The following C8G variants were observed in gnomAD, a reference collection of about 807,000 sequenced individuals.
C8G encodes complement C8 gamma chain.
A neutral mutation model predicts 29.1 loss-of-function variants in C8G; 38 were observed. That is an observed-to-expected ratio of 1.31 (90% CI 1.01 to 1.71). The LOEUF (loss-of-function observed/expected upper bound fraction) is 1.71. C8G is among the 40% of genes most tolerant of loss of function. The probability of loss-of-function intolerance (pLI) is 0.00; values close to 1 mark genes in which losing one functional copy is unlikely to be tolerated. For synonymous variants in C8G, 158 were observed against 113.2 expected (o/e 1.40, Z -2.51); for missense variants, 300 against 267.4 (o/e 1.12, Z -0.85).
Position 136,945,958 on chromosome 9 carries a change from T to A in C8G, c.305T>A (p.Leu102His). The change falls in exon 3 of 7, where the codon CTC (leucine) becomes CAC (histidine). Residue 102 changes from leucine to histidine, a missense_variant. By Grantham distance (99) the Leu-to-His change is moderately conservative. Transcript: ENST00000371634. ...LDGICWQVRQ[L>H]YGDTGVLGRF... ...GGGATCTGCTGGCAGGTGCGCCAGC[T>A]CTATGGAGACACAGGGGTCCTCGGC... 6.4e-7 allele frequency: 1 copy of A among 1,570,332 alleles called. No homozygotes were observed. The highest frequency in any genetic ancestry group is 1.2e-5 in the South Asian group (1 of 86,276).
At chr9:136,945,562 G>A (rs368024723) in intron 1 of C8G, 72 bp from the exon 2 acceptor site, 21 of 1,565,544 alleles carry the variant, frequency 1.3e-5, no homozygotes, top group Non-Finnish European at 1.8e-5. Flanking sequence ...GTGAAGTTGT[G>A]GGGGGTGTAG....
Position 136,946,814 on chromosome 9 carries a change from G to C in C8G, c.*33G>C, listed in dbSNP as rs1263584107. 6.4e-7 allele frequency: 1 copy of C among 1,553,164 alleles called. No individual in the cohort carries two copies. The highest frequency in any genetic ancestry group is 8.7e-7 in the Non-Finnish European group (1 of 1,154,574). On this transcript the variant is annotated 3_prime_UTR_variant, in exon 7 of 7. Coordinates refer to ENST00000371634, the MANE Select transcript of C8G (RefSeq NM_000606.3). ...ACACAGCTCCAGTGCTGAGAAGTCA[G>C]TGCCCCGAGAGACGACCCCACCAGT...
In C8G at chr9:136,946,091, A is replaced by G. The variant is rs7850844; in HGVS notation, c.353A>G (p.Asp118Gly). The part of the protein sequence containing the change: ...VLGRFLLQAR[D>G]ARGAVHVVVA... ...TACTGTGGCTCTGCCCCAGCCCGAG[A>G]CGCCCGAGGGGCTGTGCACGTGGTT... Residue 118 changes from aspartate (D) to glycine (G), a missense_variant, in exon 4 of 7, where the codon GAC becomes GGC. Physicochemically the swap from Asp to Gly is moderately conservative, Grantham distance 94. Transcript: ENST00000371634. 0.96 allele frequency: 1,531,682 copies of G among 1,603,374 alleles called. 731,784 individuals carry two copies. The highest frequency in any genetic ancestry group is 1 in the East Asian group (44,643 of 44,650).
At chr9:136,946,419 C>T (rs1490866845) in intron 4 of C8G, 46 bp from the exon 5 acceptor site, 2 of 1,530,552 alleles carry the variant, frequency 1.3e-6, no homozygotes, top group Non-Finnish European at 1.8e-6. Context: ...CAGAGCCCTC[C>T]ACGCCGCCTG....
Position 136,946,014 on chromosome 9 carries a change from G to A in C8G, c.346+15G>A, listed in dbSNP as rs769813748. 6.3e-7 allele frequency: 1 copy of A among 1,591,890 alleles called. No individual in the cohort carries two copies. The highest frequency in any genetic ancestry group is 8.6e-7 in the Non-Finnish European group (1 of 1,169,154). On this transcript the variant is annotated intron_variant, in intron 3 of 6. Transcript: ENST00000371634. ...CCTGCTTCAAGGTGAGGCAGGGGCT[G>A]CAGGGCATGTGGGTGGGGGATGACG...
At position 136,946,782 on chromosome 9, in the gene C8G, G is replaced by C; in HGVS notation, c.*1G>C. 1 of 1,587,744 alleles carries C rather than the reference G, an allele frequency of 6.3e-7. No individual in the cohort carries two copies. Among genetic ancestry groups the C allele is most frequent in the South Asian group, 1.1e-5 (1 of 88,796 alleles). ...CTCTGCTGCAGAAGTGAGGAGGTGA[G>C]GCCGGCACACAGCTCCAGTGCTGAG... On this transcript the variant is annotated 3_prime_UTR_variant, in exon 7 of 7. Transcript: ENST00000371634.
intron 3 of C8G, 41 bp from the exon 4 acceptor site, chr9:136,946,044 C>CACTGTGGCTCTCTGACATGGCT: frequency 1.2e-6 from 2 of 1,602,002 alleles, no homozygotes; most frequent in Non-Finnish European, 1.7e-6. Flanking sequence ...ATGACGCAGC[C>CACTGTGGCTCTCTGACATGGCT]ACTGTGGCTC....
In C8G at chr9:136,946,839, T is replaced by G; in HGVS notation, c.*58T>G. The G allele has an allele frequency of 6.5e-7, 1 of 1,535,264 alleles. No individual in the cohort carries two copies. Among genetic ancestry groups the G allele is most frequent in the East Asian group, 2.4e-5 (1 of 40,954 alleles). On this transcript the variant is annotated 3_prime_UTR_variant, in exon 7 of 7. Transcript: ENST00000371634. Reference sequence around the variant, plus strand: ...GTGCCCCGAGAGACGACCCCACCAGTGGGGTGCCCGCTGCCTGTCCTCCGT... The same window carrying G: ...GTGCCCCGAGAGACGACCCCACCAGGGGGGTGCCCGCTGCCTGTCCTCCGT...
chr9:136,946,195 A>G lies in C8G; in HGVS notation c.454+3A>G. 6.4e-7 allele frequency: 1 copy of G among 1,553,800 alleles called. No individual in the cohort carries two copies. Among genetic ancestry groups the G allele is most frequent in the Non-Finnish European group, 8.7e-7 (1 of 1,149,536 alleles). ...GCAGCTGTCAGTGAAGCTCTACGGT[A>G]TGTGGGGGCCAGCCTCTGTGACCAG... is the stretch of plus-strand genomic sequence containing the variant. On this transcript the variant is annotated splice_donor_region_variant and intron_variant, in intron 4 of 6. Transcript: ENST00000371634.
chr9:136,946,398 G>A (rs772944344), intron 4 of C8G, 67 bp from the exon 5 acceptor site: 1 of 1,500,522 alleles, frequency 6.7e-7, no homozygotes, highest in South Asian at 1.3e-5. Context: ...GGGACACACA[G>A]ACCCCGTTTC....
Position 136,945,655 on chromosome 9 carries a change from G to C in C8G, c.160G>C (p.Val54Leu). The change falls in exon 2 of 7, where the codon GTG becomes CTG. Residue 54 changes from valine (V) to leucine (L), a missense_variant. Physicochemically the swap from Val to Leu is conservative, Grantham distance 32. Transcript: ENST00000371634. ...AQQFAGTWLL[V>L]AVGSACRFLQ... ...CCAGTTTGCAGGGACCTGGCTCCTT[G>C]TGGCTGTGGGCTCCGCTTGCCGTTT... 1 of 1,609,576 alleles carries C rather than the reference G, an allele frequency of 6.2e-7. No individual in the cohort carries two copies. Among genetic ancestry groups the C allele is most frequent in the South Asian group, 1.1e-5 (1 of 90,758 alleles).
intron 1 of C8G, 29 bp from the exon 2 acceptor site, chr9:136,945,605 C>T: frequency 1.9e-6 from 3 of 1,601,908 alleles, no homozygotes; most frequent in Non-Finnish European, 2.6e-6. Context: ...CCCACAGTGC[C>T]CTCGAGTTCT....
At position 136,945,706 on chromosome 9, in the gene C8G, G is replaced by A. The variant is rs1463153691; in HGVS notation, c.211G>A (p.Glu71Lys). The A allele has an allele frequency of 3.1e-6, 5 of 1,591,704 alleles. No individual in the cohort carries two copies. The highest frequency in any genetic ancestry group is 1.1e-5 in the South Asian group (1 of 88,540). ...CCTGCAGGAGCAGGGCCACCGGGCCGAGGCCACCACACTGCATGTGGCTCC... is the reference window on the plus strand; with the variant it reads ...CCTGCAGGAGCAGGGCCACCGGGCCAAGGCCACCACACTGCATGTGGCTCC... ...RFLQEQGHRA[E>K]ATTLHVAPQG... Residue 71 changes from glutamate to lysine, a missense_variant, in exon 2 of 7, where the codon GAG becomes AAG. By Grantham distance (56) the Glu-to-Lys change is moderately conservative. Coordinates refer to ENST00000371634, the MANE Select transcript of C8G (RefSeq NM_000606.3).
intron 3 of C8G, 23 bp from the exon 4 acceptor site, chr9:136,946,062 T>C: frequency 6.2e-7 from 1 of 1,604,896 alleles, no homozygotes; most frequent in Non-Finnish European, 8.5e-7. Flanking sequence ...CTCTCTGACA[T>C]GGCTACTGTG....
At position 136,945,319 on chromosome 9, in the gene C8G, C is replaced by G. The variant is rs763006418; in HGVS notation, c.-2C>G. The G allele has an allele frequency of 1.3e-6, 2 of 1,599,872 alleles. No homozygotes were observed. The highest frequency in any genetic ancestry group is 3.4e-5 in the Admixed American group (2 of 59,066). On this transcript the variant is annotated 5_prime_UTR_variant, in exon 1 of 7. Transcript: ENST00000371634. ...CAGTCCTGCCACCCTGCTGCCGCCACCATGCTGCCCCCTGGGACTGCGACC... is the reference window on the plus strand; with the variant it reads ...CAGTCCTGCCACCCTGCTGCCGCCAGCATGCTGCCCCCTGGGACTGCGACC...
chr9:136,946,640 T>C lies in C8G; in HGVS notation c.557-11T>C, dbSNP rs1564442641. On this transcript the variant is annotated splice_polypyrimidine_tract_variant and intron_variant, in intron 5 of 6. Transcript: ENST00000371634. Reference sequence around the variant, plus strand: ...CTGATGTCCAGCCTGACCCCTGCCTTGGGCCCCCAGGCTTCTGCGAGGCTG... The same window carrying C: ...CTGATGTCCAGCCTGACCCCTGCCTCGGGCCCCCAGGCTTCTGCGAGGCTG... The C allele has an allele frequency of 1.9e-6, 3 of 1,613,216 alleles. No homozygotes were observed. Among genetic ancestry groups the C allele is most frequent in the Non-Finnish European group, 2.5e-6 (3 of 1,179,924 alleles).
In C8G at chr9:136,945,471, G is replaced by C. The variant is rs200253931; in HGVS notation, c.138+13G>C. ...TGATGCTCAGCAGGTAGAAGTTGGG[G>C]GGGGTAGAGGGAGGCAGGTAGAAGT... On this transcript the variant is annotated intron_variant, in intron 1 of 6. Coordinates refer to ENST00000371634, the MANE Select transcript of C8G (RefSeq NM_000606.3). 6.4e-7 allele frequency: 1 copy of C among 1,561,894 alleles called. No individual in the cohort carries two copies. The highest frequency in any genetic ancestry group is 8.7e-7 in the Non-Finnish European group (1 of 1,152,424).
intron 1 of C8G, 63 bp downstream of exon 1, chr9:136,945,521 G>GTAGAA: frequency 6.5e-7 from 1 of 1,533,878 alleles, no homozygotes; most frequent in South Asian, 1.2e-5. Flanking sequence ...AGGGAGACAG[G>GTAGAA]TAGAAGTTGT....
In C8G at chr9:136,945,295, A is replaced by AGTCCTGCCACCCTGCTGCCGCCACC; in HGVS notation, c.-25_-1dup. On this transcript the variant is annotated 5_prime_UTR_variant, in exon 1 of 7. Coordinates refer to ENST00000371634, the MANE Select transcript of C8G (RefSeq NM_000606.3). ...GGTGGTGCTACCCTTGGCCTCCCAC[A>AGTCCTGCCACCCTGCTGCCGCCACC]GTCCTGCCACCCTGCTGCCGCCACC... 2 of 1,578,284 alleles carry AGTCCTGCCACCCTGCTGCCGCCACC rather than the reference A, an allele frequency of 1.3e-6. No homozygotes were observed. Among genetic ancestry groups the AGTCCTGCCACCCTGCTGCCGCCACC allele is most frequent in the Admixed American group, 3.5e-5 (2 of 56,862 alleles).
Sources: gnomAD v4.1 joint callset for allele counts on GRCh38, gnomAD v4.1.1 for gene constraint, MANE v1.5 for transcripts, NCBI Gene and HGNC (gene_info 2026-07-23, HGNC 2026-07-21) for gene names.